HCN1: variants seen among roughly 807,000 people sequenced by gnomAD.
HCN1 encodes hyperpolarization activated cyclic nucleotide gated potassium channel 1, also known as potassium/sodium hyperpolarization-activated cyclic nucleotide-gated channel 1.
Under a neutral mutation model 78.9 loss-of-function variants are expected in HCN1, and 13 were observed. The ratio of observed to expected loss-of-function variants is 0.16; its 90% CI spans 0.11 to 0.26. The LOEUF is 0.26. Among genes scored for constraint, HCN1 ranks in the 10% least tolerant of loss-of-function variants. The pLI, the probability that HCN1 is intolerant of heterozygous loss-of-function variation, is 1.00. For synonymous variants in HCN1, 552 were observed against 455.5 expected (o/e 1.21, Z -2.70); for missense variants, 810 against 1,154.3 (o/e 0.70, Z 4.32).
intron 2 of HCN1, among the ~76,000 whole-genome samples, chr5:45,582,128 C>T (rs1485945849): frequency 1.4e-4 from 21 of 152,094 alleles, no homozygotes; most frequent in East Asian, 3.9e-4. Flanking sequence ...GCCATTTTCA[C>T]GGTATTGATT....
intron 1 of HCN1, among the ~76,000 whole-genome samples, chr5:45,652,615 TACAA>T (rs1745695036): frequency 6.6e-6 from 1 of 151,952 alleles, no homozygotes. Flanking sequence ...GATATATAGT[TACAA>T]ATAACTATAT....
At chr5:45,422,948 C>G (rs1464754966) in intron 3 of HCN1, among the ~76,000 whole-genome samples, 1 of 151,778 alleles carries the variant, frequency 6.6e-6, no homozygotes, top group Non-Finnish European at 1.5e-5. Context: ...TTAGATAGAA[C>G]GAATAAGATC....
chr5:45,663,969 A>C (rs936739495), intron 1 of HCN1, among the ~76,000 whole-genome samples: 2 of 144,914 alleles, frequency 1.4e-5, no homozygotes, highest in African/African-American at 5.2e-5. Context: ...TATATACCCA[A>C]ATGACTATAA....
chr5:45,331,274 C>A (rs1746339021), intron 5 of HCN1, among the ~76,000 whole-genome samples: 1 of 151,090 alleles, frequency 6.6e-6, no homozygotes, highest in Non-Finnish European at 1.5e-5. Flanking sequence ...TTATTTCACA[C>A]TGGGTTCTTA....
chr5:45,365,935 A>T lies in HCN1; in HGVS notation c.1231-12689T>A, dbSNP rs573352217. 7.9e-5 allele frequency among the ~76,000 whole-genome samples: 12 copies of T among 152,004 alleles called. No homozygotes were observed. In the South Asian group the frequency reaches 2.5e-3, roughly 32 times the overall value. ...CTTAGTTTATTAAATTTTAACTTAA[A>T]TGACCTCCCATTTAATTTCTTAAAA... is the stretch of plus-strand genomic sequence containing the variant. On this transcript the variant is annotated intron_variant, in intron 4 of 7. Coordinates refer to ENST00000303230, the MANE Select transcript of HCN1 (RefSeq NM_021072.4).
intron 5 of HCN1, among the ~76,000 whole-genome samples, chr5:45,313,310 C>G (rs1159059146): frequency 6.6e-6 from 1 of 152,164 alleles, no homozygotes; most frequent in Non-Finnish European, 1.5e-5. Flanking sequence ...AGGGTCCTGA[C>G]TGTTAGAAGG....
At chr5:45,515,158 A>AAAATATGT (rs3057697) in intron 2 of HCN1, among the ~76,000 whole-genome samples, 36,881 of 151,530 alleles carry the variant, frequency 0.24, 4,551 homozygotes, top group East Asian at 0.32. Flanking sequence ...AGCTGATGTT[A>AAAATATGT]AAATATGTGA....
At chr5:45,339,529 C>G (rs576218713) in intron 5 of HCN1, among the ~76,000 whole-genome samples, 1 of 152,236 alleles carries the variant, frequency 6.6e-6, no homozygotes, top group East Asian at 1.9e-4. Flanking sequence ...TGAAGAGCCT[C>G]TGTGTCATAT....
intron 2 of HCN1, among the ~76,000 whole-genome samples, chr5:45,638,864 C>T (rs1332516851): frequency 6.6e-6 from 1 of 152,164 alleles, no homozygotes; most frequent in Non-Finnish European, 1.5e-5. Context: ...ATGGAACCAA[C>T]TACCCTCCAG....
chr5:45,341,878 G>A (rs1399924594), intron 5 of HCN1, among the ~76,000 whole-genome samples: 2 of 152,164 alleles, frequency 1.3e-5, no homozygotes, highest in Non-Finnish European at 2.9e-5. Context: ...CACTCACTCT[G>A]CTCATCAAAC....
chr5:45,637,944 T>A (rs552138665), intron 2 of HCN1, among the ~76,000 whole-genome samples: 10 of 152,276 alleles, frequency 6.6e-5, no homozygotes, highest in African/African-American at 2.4e-4. Context: ...CTACCACTTT[T>A]GAGTTCCTGA....
chr5:45,329,671 A>G (rs1447601483), intron 5 of HCN1, among the ~76,000 whole-genome samples: 1 of 151,428 alleles, frequency 6.6e-6, no homozygotes, highest in Non-Finnish European at 1.5e-5. Context: ...GGGAATAGGT[A>G]TTTTGGAATC....
chr5:45,626,540 G>A (rs1745167230), intron 2 of HCN1, among the ~76,000 whole-genome samples: 1 of 152,112 alleles, frequency 6.6e-6, no homozygotes, highest in African/African-American at 2.4e-5. Context: ...TGATGTGAAG[G>A]TAAATGTAAA....
chr5:45,492,526 T>G (rs1273196557), intron 2 of HCN1, among the ~76,000 whole-genome samples: 2 of 144,374 alleles, frequency 1.4e-5, no homozygotes, highest in African/African-American at 5.1e-5. Context: ...TTTGTTTTTT[T>G]TTTTTTTTTT....
At chr5:45,491,191 C>A in intron 2 of HCN1, among the ~76,000 whole-genome samples, 1 of 152,186 alleles carries the variant, frequency 6.6e-6, no homozygotes, top group South Asian at 2.1e-4. Context: ...TAGAACTCTA[C>A]AATATTAGGA....
intron 3 of HCN1, among the ~76,000 whole-genome samples, chr5:45,430,725 G>A (rs1740446154): frequency 6.6e-6 from 1 of 152,088 alleles, no homozygotes; most frequent in African/African-American, 2.4e-5. Context: ...AGGAGGCTGA[G>A]GCAGGAGAAT....
chr5:45,553,938 G>A (rs1743423360), intron 2 of HCN1, among the ~76,000 whole-genome samples: 1 of 151,894 alleles, frequency 6.6e-6, no homozygotes, highest in Non-Finnish European at 1.5e-5. Flanking sequence ...TGGCAAAAGT[G>A]AAAGATTCTA....
intron 2 of HCN1, among the ~76,000 whole-genome samples, chr5:45,613,682 T>C (rs908001321): frequency 6.6e-6 from 1 of 151,956 alleles, no homozygotes; most frequent in Non-Finnish European, 1.5e-5. Flanking sequence ...TATTGTGGCA[T>C]TATTCACAAT....
At chr5:45,581,315 T>C (rs1744067225) in intron 2 of HCN1, among the ~76,000 whole-genome samples, 1 of 151,484 alleles carries the variant, frequency 6.6e-6, no homozygotes, top group African/African-American at 2.4e-5. Context: ...TTCATGTGTC[T>C]TTCGGCTGAG....
Sources: gnomAD v4.1 joint callset for allele counts (sites outside exome capture counted in the v4.1 genomes callset) on GRCh38, gnomAD v4.1.1 for gene constraint, MANE v1.5 for transcripts, NCBI Gene and HGNC (gene_info 2026-07-23, HGNC 2026-07-21) for gene names.